The following OR3A2 variants were observed in gnomAD, a reference collection of about 807,000 sequenced individuals.
OR3A2 encodes olfactory receptor 3A2.
For synonymous variants in OR3A2, 126 were observed against 159.3 expected, an observed-to-expected ratio of 0.79 and a Z score of 1.57; for missense variants, 318 against 392.8, an observed-to-expected ratio of 0.81 and a Z score of 1.61.
chr17:3,364,547 G>C (rs963587635), intron 2 of OR3A2, among the ~76,000 whole-genome samples: 1 of 152,132 alleles, frequency 6.6e-6, no homozygotes, highest in African/African-American at 2.4e-5. Context: ...ACTGTAGTGA[G>C]TTCACAATGA....
intron 3 of OR3A2, chr17:3,291,634 C>T (rs757783340): frequency 3.8e-6 from 6 of 1,592,734 alleles, no homozygotes; most frequent in Non-Finnish European, 5.2e-6. Flanking sequence ...TTGAGACCTC[C>T]TCAAGCCAGT....
chr17:3,321,881 G>A (rs533822291), intron 3 of OR3A2, among the ~76,000 whole-genome samples: 2 of 152,248 alleles, frequency 1.3e-5, no homozygotes, highest in African/African-American at 4.8e-5. Context: ...GTATCAGGAT[G>A]ATGCTGGCCT....
intron 1 of OR3A2, among the ~76,000 whole-genome samples, 182 bp downstream of exon 3, chr17:3,284,176 G>A (rs980935866): frequency 1.3e-5 from 2 of 149,230 alleles, no homozygotes; most frequent in African/African-American, 2.5e-5. Flanking sequence ...CTTCATCTGA[G>A]AGAGGCGAGC....
At chr17:3,345,022 G>C (rs1176740827) in intron 2 of OR3A2, among the ~76,000 whole-genome samples, 1 of 152,160 alleles carries the variant, frequency 6.6e-6, no homozygotes, top group Non-Finnish European at 1.5e-5. Context: ...TAAAGAGATA[G>C]AGGAAACCAA....
At chr17:3,306,644 G>C (rs542248322) in intron 3 of OR3A2, among the ~76,000 whole-genome samples, 10 of 145,620 alleles carry the variant, frequency 6.9e-5, no homozygotes, top group Middle Eastern at 7.3e-3. Flanking sequence ...GTGGAATAGG[G>C]AGAGTGCAGG....
At chr17:3,370,791 G>T (rs1453784873) in intron 2 of OR3A2, among the ~76,000 whole-genome samples, 1 of 151,506 alleles carries the variant, frequency 6.6e-6, no homozygotes, top group Non-Finnish European at 1.5e-5. Context: ...CAGTGTTTGT[G>T]TCCCTGGGTA....
intron 1 of OR3A2, among the ~76,000 whole-genome samples, chr17:3,282,288 T>C (rs111553363): frequency 0.18 from 27,442 of 151,908 alleles, 3,081 homozygotes; most frequent in African/African-American, 0.3. Context: ...CACCTGTAGT[T>C]CCAGCTACTC....
chr17:3,365,639 A>T (rs1274624465), intron 2 of OR3A2, among the ~76,000 whole-genome samples: 1 of 152,186 alleles, frequency 6.6e-6, no homozygotes, highest in African/African-American at 2.4e-5. Context: ...CACCGTCTTG[A>T]ACTTGGAACC....
chr17:3,310,056 C>G (rs1463870158), intron 3 of OR3A2: 2 of 240,778 alleles, frequency 8.3e-6, no homozygotes, highest in Non-Finnish European at 1.7e-5. Flanking sequence ...CTTTCTACAT[C>G]AATTCATGGA....
intron 2 of OR3A2, among the ~76,000 whole-genome samples, chr17:3,344,551 C>G (rs1254851477): frequency 6.6e-6 from 1 of 152,168 alleles, no homozygotes; most frequent in Non-Finnish European, 1.5e-5. Context: ...AAAGGGATTT[C>G]TTTGCCTGCA....
intron 3 of OR3A2, among the ~76,000 whole-genome samples, chr17:3,289,446 G>C (rs2048844756): frequency 6.6e-6 from 1 of 152,234 alleles, no homozygotes; most frequent in African/African-American, 2.4e-5. Flanking sequence ...TTCCACCCTA[G>C]TGGCAAGGCC....
intron 3 of OR3A2, among the ~76,000 whole-genome samples, chr17:3,331,264 C>G (rs1274198860): frequency 4.6e-5 from 7 of 151,936 alleles, no homozygotes; most frequent in Non-Finnish European, 8.8e-5. Context: ...GTTGGCCTGC[C>G]TTGCTAGATT....
At chr17:3,381,319 T>G (rs230408) in intron 2 of OR3A2, among the ~76,000 whole-genome samples, 17,225 of 130,152 alleles carry the variant, frequency 0.13, 1,466 homozygotes, top group East Asian at 0.49. Flanking sequence ...AAACATAGGG[T>G]TTTTTTTTTT....
chr17:3,338,511 C>T (rs1461370117), intron 2 of OR3A2, among the ~76,000 whole-genome samples: 3 of 152,148 alleles, frequency 2.0e-5, no homozygotes, highest in Non-Finnish European at 4.4e-5. Context: ...TTTCTCAGCA[C>T]CATTTATTAA....
rs150533143 is a variant in OR3A2 at position 3,292,306 on chromosome 17, G to A, written c.-84-13153C>T. ...AGGCAGGCCCCACAGGGAACTGCAC[G>A]CTTGCGGGACAGGAGACGACTCAAC... On this transcript the variant is annotated intron_variant, in intron 3 of 4. Transcript: ENST00000573491. The A allele has an allele frequency of 4.0e-5, 64 of 1,614,154 alleles. No homozygotes were observed. In the African/African-American group the frequency reaches 6.5e-4, roughly 16 times the overall value.
intron 3 of OR3A2, among the ~76,000 whole-genome samples, chr17:3,325,086 T>C (rs2049159676): frequency 6.6e-6 from 1 of 152,048 alleles, no homozygotes; most frequent in Non-Finnish European, 1.5e-5. Flanking sequence ...TTTTATGATT[T>C]TGTTTTTTAT....
rs140580673 is a variant in OR3A2 at position 3,291,305 on chromosome 17, A to C, written c.-84-12152T>G. The stretch of plus-strand genomic sequence containing the variant: ...GTTTTCTGGGGTACTTCTGGCAACT[A>C]AGGCTGTAACCAACCAAAGAGTCAT... On this transcript the variant is annotated intron_variant, in intron 3 of 4. Transcript: ENST00000573491. The C allele has an allele frequency of 5.0e-3, 1,157 of 229,734 alleles. 12 individuals carry two copies. The highest frequency in any genetic ancestry group is 0.02 in the African/African-American group (899 of 44,310). The allele number at this position is 229,734 out of a possible 1,614,324, so 14.2% of individuals were successfully genotyped here.
chr17:3,385,020 G>A (rs943622291), intron 1 of OR3A2, among the ~76,000 whole-genome samples: 10 of 150,764 alleles, frequency 6.6e-5, no homozygotes, highest in African/African-American at 2.4e-4. Context: ...GGAGAAACCC[G>A]GTCTCTACTA....
chr17:3,324,334 C>T (rs1206833459), intron 3 of OR3A2, among the ~76,000 whole-genome samples: 4 of 151,940 alleles, frequency 2.6e-5, no homozygotes, highest in African/African-American at 9.7e-5. Flanking sequence ...GTAATTTGAT[C>T]GTCTGAAGCC....
Sources: allele counts gnomAD v4.1 joint callset (sites outside exome capture counted in the v4.1 genomes callset), GRCh38; gene constraint gnomAD v4.1.1; transcripts MANE v1.5; gene names NCBI Gene and HGNC (gene_info 2026-07-23, HGNC 2026-07-21).